Variants in ZNRF1 observed in about 807,000 individuals in gnomAD.
ZNRF1 encodes the protein E3 ubiquitin-protein ligase ZNRF1.
A neutral mutation model predicts 18.4 loss-of-function variants in ZNRF1; 3 were observed. The ratio of observed to expected loss-of-function variants is 0.16; its 90% confidence interval spans 0.07 to 0.42. The LOEUF is 0.42. ZNRF1 is among the 10% of genes least tolerant of loss of function. The pLI, the probability that ZNRF1 is intolerant of heterozygous loss-of-function variation, is 0.99. For synonymous variants in ZNRF1, 157 were observed against 144.2 expected, an observed-to-expected ratio of 1.09 and a Z score of -0.64; for missense variants, 310 against 329.8, an observed-to-expected ratio of 0.94 and a Z score of 0.47.
chr16:75,037,145 A>C (rs1004333808), intron 1 of ZNRF1, among the ~76,000 whole-genome samples: 1 of 152,204 alleles, frequency 6.6e-6, no homozygotes, highest in Non-Finnish European at 1.5e-5. Context: ...TGAAGCTTTC[A>C]TGATGAGCAG....
chr16:75,001,730 G>A (rs2034851947), intron 1 of ZNRF1, among the ~76,000 whole-genome samples: 1 of 152,164 alleles, frequency 6.6e-6, no homozygotes, highest in African/African-American at 2.4e-5. Context: ...TATGAGATAT[G>A]TAGGGAGGAA....
chr16:75,054,267 C>T (rs1040637750), intron 1 of ZNRF1, among the ~76,000 whole-genome samples: 4 of 152,194 alleles, frequency 2.6e-5, no homozygotes, highest in Non-Finnish European at 5.9e-5. Flanking sequence ...AGCCATTTTG[C>T]TTTGGAGAAG....
chr16:75,099,235 G>A (rs974509303), intron 2 of ZNRF1, among the ~76,000 whole-genome samples: 15 of 152,166 alleles, frequency 9.9e-5, no homozygotes, highest in African/African-American at 3.6e-4. Flanking sequence ...TAGGAGTCAT[G>A]GTGTGTGTGT....
intron 1 of ZNRF1, among the ~76,000 whole-genome samples, chr16:75,057,961 T>C (rs914759381): frequency 7.2e-5 from 11 of 152,298 alleles, no homozygotes; most frequent in African/African-American, 2.6e-4. Context: ...TGTTTATACA[T>C]GGTGGGCTGT....
intron 1 of ZNRF1, among the ~76,000 whole-genome samples, chr16:75,088,055 C>T (rs111974860): frequency 3.9e-5 from 6 of 152,318 alleles, no homozygotes; most frequent in Non-Finnish European, 5.9e-5. Flanking sequence ...AGTTTGCAGA[C>T]CTTTGGTTTA....
intron 1 of ZNRF1, among the ~76,000 whole-genome samples, chr16:75,085,776 A>G (rs1391518133): frequency 7.6e-6 from 1 of 131,796 alleles, no homozygotes; most frequent in Non-Finnish European, 1.6e-5. Context: ...TTCTAGAGAA[A>G]CAGATCCGAC....
intron 1 of ZNRF1, among the ~76,000 whole-genome samples, chr16:75,073,146 C>CTCTG (rs1555513184): frequency 0.017 from 2,203 of 128,742 alleles, 52 homozygotes; most frequent in African/African-American, 0.051. Context: ...CTCTCTCTCT[C>CTCTG]TCTCTCTGTC....
chr16:75,055,377 C>A (rs2035655447), intron 1 of ZNRF1, among the ~76,000 whole-genome samples: 1 of 152,196 alleles, frequency 6.6e-6, no homozygotes, highest in African/African-American at 2.4e-5. Flanking sequence ...TCTTTCCAGT[C>A]CCCAATGTAT....
intron 1 of ZNRF1, among the ~76,000 whole-genome samples, chr16:75,081,300 A>G (rs2036009189): frequency 1.3e-5 from 2 of 152,358 alleles, no homozygotes; most frequent in South Asian, 4.1e-4. Flanking sequence ...GCACCTGCCA[A>G]GAGCGAAGCC....
Position 75,108,899 on chromosome 16 carries a change from C to A in ZNRF1, c.*1199C>A. The A allele has an allele frequency of 4.2e-6, 1 of 240,834 alleles. No individual in the cohort carries two copies. Among genetic ancestry groups the A allele is most frequent in the Non-Finnish European group, 7.8e-6 (1 of 127,736 alleles). 14.9% of individuals were successfully genotyped at this position (240,834 alleles called of 1,614,324 possible). ...AGTGGCAAGTCAGGCGTGCCTCCTA[C>A]AAGCTTCCTAACCTCTTAAGCATCA... On this transcript the variant is annotated 3_prime_UTR_variant, in exon 5 of 5. Coordinates refer to ENST00000335325, the MANE Select transcript of ZNRF1 (RefSeq NM_032268.5).
intron 1 of ZNRF1, among the ~76,000 whole-genome samples, chr16:75,067,125 A>G (rs1167849596): frequency 6.6e-6 from 1 of 152,176 alleles, no homozygotes; most frequent in Non-Finnish European, 1.5e-5. Flanking sequence ...GTTCTCCGTC[A>G]TCTGTTTATG....
Position 75,104,870 on chromosome 16 carries a change from C to T in ZNRF1, c.607C>T (p.Leu203=). The change falls in exon 3 of 5, where the codon CTG becomes TTG. Residue 203 remains leucine, a synonymous_variant. Coordinates refer to ENST00000335325, the MANE Select transcript of ZNRF1 (RefSeq NM_032268.5). The part of the protein sequence containing the change: ...QGDTIARLPC[L]CIYHKSCIDS... ...GGACACGATAGCCAGGCTGCCCTGCCTGTGCATCTATCACAAAAGGTAGGA... is the reference window on the plus strand; with the variant it reads ...GGACACGATAGCCAGGCTGCCCTGCTTGTGCATCTATCACAAAAGGTAGGA... 1 of 1,605,872 alleles carries T rather than the reference C, an allele frequency of 6.2e-7. No homozygotes were observed. Among genetic ancestry groups the T allele is most frequent in the Non-Finnish European group, 8.5e-7 (1 of 1,176,862 alleles).
At chr16:75,000,216 G>C in intron 1 of ZNRF1, 121 bp downstream of exon 1, 1 of 1,381,150 alleles carries the variant, frequency 7.2e-7, no homozygotes, top group Non-Finnish European at 1.0e-6. Flanking sequence ...ATTCCCTTTG[G>C]TTCCCGATGC....
chr16:75,104,660 C>G (rs544461750), intron 2 of ZNRF1, 124 bp from the exon 3 acceptor site: 1 of 743,156 alleles, frequency 1.3e-6, no homozygotes. Context: ...TTCTGTGTCC[C>G]CTGCAGAGCC....
At chr16:75,013,072 CTCCT>C (rs1439231281) in intron 1 of ZNRF1, among the ~76,000 whole-genome samples, 9 of 152,198 alleles carry the variant, frequency 5.9e-5, no homozygotes, top group Non-Finnish European at 1.2e-4. Flanking sequence ...TGACTTTTAA[CTCCT>C]TCAAACAAGG....
intron 1 of ZNRF1, among the ~76,000 whole-genome samples, chr16:75,018,892 T>G (rs957439014): frequency 6.6e-6 from 1 of 152,128 alleles, no homozygotes; most frequent in East Asian, 1.9e-4. Flanking sequence ...AAGGCAAGGC[T>G]TGGTGGCTCA....
intron 1 of ZNRF1, among the ~76,000 whole-genome samples, chr16:75,027,085 C>T (rs1187944147): frequency 1.3e-5 from 2 of 151,944 alleles, no homozygotes; most frequent in African/African-American, 2.4e-5. Context: ...GGTTAGGGAA[C>T]TCAGCCAGTG....
At chr16:75,002,872 C>T (rs1415784327) in intron 1 of ZNRF1, among the ~76,000 whole-genome samples, 2 of 152,238 alleles carry the variant, frequency 1.3e-5, no homozygotes, top group African/African-American at 2.4e-5. Flanking sequence ...ACGAATTTCT[C>T]TTTCTGATCC....
intron 1 of ZNRF1, among the ~76,000 whole-genome samples, chr16:75,022,059 C>A (rs1163195880): frequency 6.6e-6 from 1 of 152,144 alleles, no homozygotes; most frequent in Non-Finnish European, 1.5e-5. Flanking sequence ...GTACACTAAT[C>A]CTTCCGTCCG....
Sources: gnomAD v4.1 joint callset for allele counts (sites outside exome capture counted in the v4.1 genomes callset) on GRCh38, gnomAD v4.1.1 for gene constraint, MANE v1.5 for transcripts, NCBI Gene and HGNC (gene_info 2026-07-23, HGNC 2026-07-21) for gene names.